UBR4: variants seen among roughly 807,000 people sequenced by gnomAD.
The protein encoded by UBR4 is E3 ubiquitin-protein ligase UBR4.
In UBR4, 124 loss-of-function variants were observed where a neutral mutation model predicts 575.6. The observed-to-expected ratio is 0.22, with a 90% CI of 0.19 to 0.25. UBR4 has a LOEUF of 0.25. Among genes scored for constraint, UBR4 ranks in the 10% least tolerant of loss-of-function variants. UBR4 has a pLI of 1.00. For missense variants in UBR4, 4,818 were observed against 6,478.8 expected (o/e 0.74, Z 8.80); for synonymous variants, 2,455 against 2,473.7 (o/e 0.99, Z 0.22).
Position 19,210,169 on chromosome 1 carries a change from G to A in UBR4, c.80C>T (p.Pro27Leu). ...GGGCCGCACAGCCACCTCCCAGCCC[G>A]GGGTCGTGTCCGCCCCCGTTGCCGG... ...GTPATGADTTPGWEVAVRPLL... is the reference protein window; with the variant it reads ...GTPATGADTTLGWEVAVRPLL... The change falls in exon 1 of 106, where the codon CCG becomes CTG. Residue 27 changes from proline to leucine, a missense_variant. Around this residue, in one of 29 missense-constraint regions of UBR4, gnomAD observed 95 missense variants for 87.7 expected, o/e 1.08. Transcript: ENST00000375254. 1 of 1,546,548 alleles carries A rather than the reference G, an allele frequency of 6.5e-7. No individual in the cohort carries two copies. The highest frequency in any genetic ancestry group is 8.7e-7 in the Non-Finnish European group (1 of 1,150,500).
At chr1:19,108,205 T>C (rs1308156588) in intron 81 of UBR4, among the ~76,000 whole-genome samples, 1 of 152,226 alleles carries the variant, frequency 6.6e-6, no homozygotes, top group Admixed American at 6.5e-5. Context: ...CAATAAACTT[T>C]TCATACTTCA....
chr1:19,176,859 G>A lies in UBR4; in HGVS notation c.2638-132C>T, dbSNP rs2090318578. ...TGGGTGTTCTACATTCAAATATTCT[G>A]TTTTATTGGGCACCATTCAGCTTTT... is the stretch of plus-strand genomic sequence containing the variant. On this transcript the variant is annotated intron_variant, in intron 19 of 105. Coordinates refer to ENST00000375254, the MANE Select transcript of UBR4 (RefSeq NM_020765.3). 3 of 1,046,932 alleles carry A rather than the reference G, an allele frequency of 2.9e-6. No homozygotes were observed. In the African/African-American group the frequency reaches 4.8e-5, roughly 17 times the overall value. The allele number at this position is 1,046,932 out of a possible 1,614,324, so 64.9% of individuals were successfully genotyped here.
intron 101 of UBR4, among the ~76,000 whole-genome samples, chr1:19,085,829 C>G (rs2076959776): frequency 6.6e-6 from 1 of 152,152 alleles, no homozygotes. Flanking sequence ...CCTCAAGGAC[C>G]AAGTTGGCCC....
chr1:19,176,517 GT>G lies in UBR4; in HGVS notation c.2773+74del, dbSNP rs2151021803. On this transcript the variant is annotated intron_variant, in intron 20 of 105. Transcript: ENST00000375254. Reference sequence around the variant, plus strand: ...GCAAATGACCAAAGATCCTCCAAGAGTCCCCAAGCTTCAAATTCAACCCCAC... The same window carrying G: ...GCAAATGACCAAAGATCCTCCAAGAGCCCCAAGCTTCAAATTCAACCCCAC... 2.6e-6 allele frequency: 4 copies of G among 1,555,624 alleles called. No individual in the cohort carries two copies. In the East Asian group the frequency reaches 9.0e-5, roughly 35 times the overall value.
At position 19,106,849 on chromosome 1, in the gene UBR4, G is replaced by T; in HGVS notation, c.12223C>A (p.Leu4075Ile). The T allele has an allele frequency of 6.2e-7, 1 of 1,613,994 alleles. No individual in the cohort carries two copies. Among genetic ancestry groups the T allele is most frequent in the South Asian group, 1.1e-5 (1 of 91,054 alleles). Residue 4075 changes from leucine to isoleucine, a missense_variant, in exon 82 of 106, where the codon CTT becomes ATT. This residue lies in a region of UBR4 where 178 missense variants were observed against 175.5 expected (regional missense o/e 1.01). Transcript: ENST00000375254. ...GAGAAAGATATACCTCTGATAGGAA[G>T]ACACTTCTTCCAGGCATCATAGGAT... ...KASYDAWKKC[L>I]PIRGIDGNGK...
intron 1 of UBR4, among the ~76,000 whole-genome samples, chr1:19,202,254 C>A (rs1222104713): frequency 6.6e-6 from 1 of 152,110 alleles, no homozygotes; most frequent in Non-Finnish European, 1.5e-5. Flanking sequence ...TCAAGGTCAT[C>A]AGGCTAGGGA....
chr1:19,132,210 C>T (rs1215965345), intron 60 of UBR4, among the ~76,000 whole-genome samples: 1 of 152,034 alleles, frequency 6.6e-6, no homozygotes, highest in Non-Finnish European at 1.5e-5. Context: ...GAGACAGAGT[C>T]TCACTCTGTC....
Position 19,089,926 on chromosome 1 carries a change from T to G in UBR4, c.14212-949A>C, listed in dbSNP as rs2077351888. On this transcript the variant is annotated intron_variant, in intron 97 of 105. Coordinates refer to ENST00000375254, the MANE Select transcript of UBR4 (RefSeq NM_020765.3). This position sits in a 1 kb window ranked among gnomAD's most constrained non-coding sequence, Gnocchi z 4.3. Reference sequence around the variant, plus strand: ...TCCACAGGTACCCCAAACTCAACATTCTGGCTGTTTACTGTGTGTGCATGC... The same window carrying G: ...TCCACAGGTACCCCAAACTCAACATGCTGGCTGTTTACTGTGTGTGCATGC... Among the ~76,000 whole-genome samples the G allele has an allele frequency of 6.6e-6, 1 of 152,234 alleles. No individual in the cohort carries two copies. The highest frequency in any genetic ancestry group is 1.5e-5 in the Non-Finnish European group (1 of 68,048).
In UBR4 at chr1:19,164,888, C is replaced by T. The variant is rs138053515; in HGVS notation, c.4422G>A (p.Ser1474=). 664 of 1,613,954 alleles carry T rather than the reference C, an allele frequency of 4.1e-4. No individual in the cohort carries two copies. Among genetic ancestry groups the T allele is most frequent in the Non-Finnish European group, 5.3e-4 (629 of 1,180,028 alleles). ...LQAWLTRMTT[S]PPKDSDQLDV... The stretch of plus-strand genomic sequence containing the variant: ...CCAGCTGATCAGAATCTTTTGGGGG[C>T]GATGTAGTCATGCGGGTGAGCCAGG... Residue 1474 remains serine, a synonymous_variant, in exon 32 of 106, where the codon TCG becomes TCA. Coordinates refer to ENST00000375254, the MANE Select transcript of UBR4 (RefSeq NM_020765.3).
intron 25 of UBR4, among the ~76,000 whole-genome samples, chr1:19,171,767 C>T (rs929278773): frequency 1.3e-5 from 2 of 152,180 alleles, no homozygotes; most frequent in Non-Finnish European, 2.9e-5. Flanking sequence ...ATCACTTGAA[C>T]CCAGGAGGTG....
chr1:19,139,068 G>A lies in UBR4; in HGVS notation c.8731+15C>T, dbSNP rs115547844. ...CTCTGCCCAAGGAGACAGGACCCCC[G>A]CCATGGCACATTACCACTGTGCTCG... is the stretch of plus-strand genomic sequence containing the variant. On this transcript the variant is annotated intron_variant, in intron 59 of 105. Transcript: ENST00000375254. The surrounding 1 kb of genome is among the most constrained non-coding windows in gnomAD (Gnocchi z 4.2). The A allele has an allele frequency of 9.1e-3, 14,490 of 1,599,570 alleles. 86 individuals carry two copies. Among genetic ancestry groups the A allele is most frequent in the Non-Finnish European group, 0.01 (12,228 of 1,170,940 alleles).
chr1:19,176,661 G>A lies in UBR4; in HGVS notation c.2704C>T (p.Arg902Trp), dbSNP rs1331023006. ...ASGSQDSNSR[R>W]ATTPLYHGFK... Reference sequence around the variant, plus strand: ...CCATGATAGAGAGGAGTGGTTGCCCGGCGGCTGTTGCTGTCCTGGGATCCA... The same window carrying A: ...CCATGATAGAGAGGAGTGGTTGCCCAGCGGCTGTTGCTGTCCTGGGATCCA... Residue 902 changes from arginine (R) to tryptophan (W), a missense_variant, in exon 20 of 106, where the codon CGG becomes TGG. Physicochemically the swap from Arg to Trp is moderately radical, Grantham distance 101. Transcript: ENST00000375254. 6.2e-6 allele frequency: 10 copies of A among 1,614,064 alleles called. No individual in the cohort carries two copies. The East Asian group carries it at 6.7e-5, about 11-fold the overall frequency.
Position 19,123,017 on chromosome 1 carries a change from C to A in UBR4, c.9632G>T (p.Arg3211Leu), listed in dbSNP as rs1225893584. The A allele has an allele frequency of 6.2e-7, 1 of 1,614,058 alleles. No homozygotes were observed. Among genetic ancestry groups the A allele is most frequent in the Non-Finnish European group, 8.5e-7 (1 of 1,180,038 alleles). The change falls in exon 66 of 106, where the codon CGC becomes CTC. Residue 3211 changes from arginine to leucine, a missense_variant. By Grantham distance (102) the Arg-to-Leu change is moderately radical. Coordinates refer to ENST00000375254, the MANE Select transcript of UBR4 (RefSeq NM_020765.3). ...TCCACAGATGAAGAGCAGAAGTTTGCGGACTTGACGGCGCACAAATGGAGT... is the reference window on the plus strand; with the variant it reads ...TCCACAGATGAAGAGCAGAAGTTTGAGGACTTGACGGCGCACAAATGGAGT... ...QQTPFVRRQVRKLLLFICGSK... is the reference protein window; with the variant it reads ...QQTPFVRRQVLKLLLFICGSK...
At chr1:19,096,354 T>C (rs985221931) in intron 92 of UBR4, among the ~76,000 whole-genome samples, 169 bp downstream of exon 92, 12 of 152,096 alleles carry the variant, frequency 7.9e-5, no homozygotes, top group Non-Finnish European at 1.6e-4. Flanking sequence ...CGGGAAAAGG[T>C]GTGCCTAAGA....
At chr1:19,124,711 T>A in intron 64 of UBR4, 21 bp from the exon 65 acceptor site, 2 of 1,602,582 alleles carry the variant, frequency 1.2e-6, no homozygotes, top group African/African-American at 1.3e-5. Context: ...AAAATTTGCA[T>A]GAGAACCTGT....
chr1:19,177,615 G>C lies in UBR4; in HGVS notation c.2483C>G (p.Ala828Gly), dbSNP rs759109497. The part of the protein sequence containing the change: ...FHNFTETGRR[A>G]ILSLFVQIIQ... ...GATCTGGACAAAAAGCGACAATATG[G>C]CCCGCCGGCCTGTCTCGGTGAAATT... Residue 828 changes from alanine to glycine, a missense_variant, in exon 19 of 106, where the codon GCC becomes GGC. Physicochemically the swap from Ala to Gly is moderately conservative, Grantham distance 60. This residue lies in a region of UBR4 where 1,172 missense variants were observed against 1,259.7 expected (regional missense o/e 0.93). Transcript: ENST00000375254. 4 of 1,613,848 alleles carry C rather than the reference G, an allele frequency of 2.5e-6. No homozygotes were observed. Among genetic ancestry groups the C allele is most frequent in the Non-Finnish European group, 3.4e-6 (4 of 1,179,972 alleles).
Position 19,165,697 on chromosome 1 carries a change from A to G in UBR4, c.4170T>C (p.Ser1390=), listed in dbSNP as rs2088234111. The part of the protein sequence containing the change: ...CLQYLEKQLE[S]SQARKAMEEF... ...CCTCCATAGCTTTACGAGCCTGGCT[A>G]CTTTCCAGCTGCTTTTCCAAGTACT... Residue 1390 remains serine, a synonymous_variant, in exon 30 of 106, where the codon AGT becomes AGC. Coordinates refer to ENST00000375254, the MANE Select transcript of UBR4 (RefSeq NM_020765.3). The G allele has an allele frequency of 1.2e-6, 2 of 1,614,070 alleles. No homozygotes were observed. Among genetic ancestry groups the G allele is most frequent in the Non-Finnish European group, 8.5e-7 (1 of 1,180,022 alleles).
chr1:19,122,824 C>A lies in UBR4; in HGVS notation c.9816+9G>T, dbSNP rs755118138. 39 of 1,614,068 alleles carry A rather than the reference C, an allele frequency of 2.4e-5. No individual in the cohort carries two copies. Among genetic ancestry groups the A allele is most frequent in the Non-Finnish European group, 3.2e-5 (38 of 1,180,004 alleles). On this transcript the variant is annotated intron_variant, in intron 66 of 105. Coordinates refer to ENST00000375254, the MANE Select transcript of UBR4 (RefSeq NM_020765.3). The stretch of plus-strand genomic sequence containing the variant: ...CCCTCCCTGCCCTACCAGGTCCCAG[C>A]CCTCGTACCAGGCTGATGAGTGTGT...
chr1:19,094,268 G>C (rs952325104), intron 94 of UBR4, 129 bp from the exon 95 acceptor site: 2 of 627,814 alleles, frequency 3.2e-6, no homozygotes, highest in African/African-American at 3.7e-5. Context: ...ACTATGTCTC[G>C]GCACTTCTTG....
Sources: allele counts gnomAD v4.1 joint callset (sites outside exome capture counted in the v4.1 genomes callset), GRCh38; gene constraint gnomAD v4.1.1; regional missense constraint gnomAD v4.1.1; non-coding constraint Gnocchi (gnomAD v3.1); transcripts MANE v1.5; gene names NCBI Gene and HGNC (gene_info 2026-07-23, HGNC 2026-07-21).